CNNM2: variants seen among roughly 807,000 people sequenced by gnomAD.
CNNM2 encodes the protein metal transporter CNNM2.
Under a neutral mutation model 66.9 loss-of-function variants are expected in CNNM2, and 12 were observed. The observed-to-expected ratio is 0.18, with a 90% confidence interval of 0.11 to 0.29. CNNM2 has a LOEUF of 0.29. Among genes scored for constraint, CNNM2 ranks in the 10% least tolerant of loss-of-function variants. The pLI is 1.00. For missense variants in CNNM2, 705 were observed against 1,167.7 expected, an observed-to-expected ratio of 0.60 and a Z score of 5.77; for synonymous variants, 557 against 501.8, an observed-to-expected ratio of 1.11 and a Z score of -1.47.
chr10:103,058,978 T>A (rs906105774), intron 4 of CNNM2, among the ~76,000 whole-genome samples: 15 of 152,202 alleles, frequency 9.9e-5, no homozygotes, highest in African/African-American at 2.7e-4. Context: ...TTTGTTTTGT[T>A]TTTTGTTTGT....
chr10:103,006,091 T>C (rs1002372404), intron 1 of CNNM2, among the ~76,000 whole-genome samples: 1 of 152,232 alleles, frequency 6.6e-6, no homozygotes, highest in South Asian at 2.1e-4. Flanking sequence ...ATGTACTGTT[T>C]GGGACCTGCA....
At chr10:103,071,899 G>C (rs1036484544) in intron 6 of CNNM2, 60 bp downstream of exon 6, 2 of 1,482,374 alleles carry the variant, frequency 1.3e-6, no homozygotes, top group Non-Finnish European at 1.9e-6. Flanking sequence ...CCCCCATCAC[G>C]CCTGGCTGGC....
chr10:102,996,287 A>G (rs952828360), intron 1 of CNNM2, among the ~76,000 whole-genome samples: 1 of 150,250 alleles, frequency 6.7e-6, no homozygotes, highest in African/African-American at 2.5e-5. Flanking sequence ...CAGTGCCTCT[A>G]CCTTTTTATT....
chr10:102,981,781 C>T (rs1377518900), intron 1 of CNNM2, among the ~76,000 whole-genome samples: 1 of 151,428 alleles, frequency 6.6e-6, no homozygotes, highest in Non-Finnish European at 1.5e-5. Context: ...CTCAGTTGCA[C>T]ATAATAGTAA....
chr10:103,058,887 C>G (rs923743027), intron 4 of CNNM2, among the ~76,000 whole-genome samples: 2 of 152,214 alleles, frequency 1.3e-5, no homozygotes, highest in Non-Finnish European at 2.9e-5. Flanking sequence ...CATATTCTAC[C>G]TAATATGTCA....
At chr10:103,053,787 G>A (rs1312899606) in intron 2 of CNNM2, among the ~76,000 whole-genome samples, 2 of 152,154 alleles carry the variant, frequency 1.3e-5, no homozygotes, top group Admixed American at 6.5e-5. Context: ...TAGCAGTGAA[G>A]CAAACATATT....
chr10:102,954,237 C>T (rs1362920858), intron 1 of CNNM2, among the ~76,000 whole-genome samples: 3 of 150,994 alleles, frequency 2.0e-5, no homozygotes, highest in East Asian at 2.0e-4. Context: ...AAGCAATCCT[C>T]CTGCCTCAGC....
At chr10:102,926,982 G>T (rs932573794) in intron 1 of CNNM2, among the ~76,000 whole-genome samples, 1 of 151,802 alleles carries the variant, frequency 6.6e-6, no homozygotes, top group Non-Finnish European at 1.5e-5. Flanking sequence ...GCCTCCTGAA[G>T]TGCTGGGATT....
rs554477700 is a variant in CNNM2, at chr10:103,083,140, G to A, written c.*5960G>A. The A allele has an allele frequency of 1.3e-5, 2 of 152,218 alleles. No individual in the cohort carries two copies. The highest frequency in any genetic ancestry group is 2.1e-4 in the South Asian group (1 of 4,822). 9.4% of individuals were successfully genotyped at this position (152,218 alleles called of 1,614,324 possible). ...TTATTCACTGTATCATAGTGTACAG[G>A]TCATGCATTTGAGCAGTGAAGTTTT... On this transcript the variant is annotated 3_prime_UTR_variant, in exon 8 of 8. Transcript: ENST00000369878.
In CNNM2 at chr10:103,009,674, C is replaced by CAAAA. The variant is rs36096913; in HGVS notation, c.1622-40012_1622-40009dup. On this transcript the variant is annotated intron_variant, in intron 1 of 7. Transcript: ENST00000369878. Reference sequence around the variant, plus strand: ...ACCACTACATTCTAGCCTGAGTCTCCAAAAAAAAAAAAAAAAAAAAAAAAG... The same window carrying CAAAA: ...ACCACTACATTCTAGCCTGAGTCTCCAAAAAAAAAAAAAAAAAAAAAAAAAAAAG... Among the ~76,000 whole-genome samples the CAAAA allele has an allele frequency of 9.5e-3, 557 of 58,468 alleles. 7 individuals carry two copies. The highest frequency in any genetic ancestry group is 0.026 in the East Asian group (52 of 2,010). 38.4% of individuals were successfully genotyped at this position (58,468 alleles called of 152,430 possible).
chr10:102,952,665 G>C (rs997717686), intron 1 of CNNM2, among the ~76,000 whole-genome samples: 3 of 150,998 alleles, frequency 2.0e-5, no homozygotes, highest in Non-Finnish European at 4.4e-5. Context: ...TTTCACATAA[G>C]TCTGTTTAAA....
Position 103,020,028 on chromosome 10 carries a change from C to T in CNNM2, c.1622-29679C>T, listed in dbSNP as rs571941270. On this transcript the variant is annotated intron_variant, in intron 1 of 7. Transcript: ENST00000369878. ...TTCTCTACAACGAACATGTGTTACT[C>T]GTGTGGTTTTTTTCTTAAGTTATTA... Among the ~76,000 whole-genome samples, 316 of 152,210 alleles carry T rather than the reference C, an allele frequency of 2.1e-3. 1 individual carries two copies. The highest frequency in any genetic ancestry group is 5.4e-3 in the African/African-American group (225 of 41,524).
intron 1 of CNNM2, among the ~76,000 whole-genome samples, chr10:102,939,813 A>C (rs965796718): frequency 6.6e-6 from 1 of 152,140 alleles, no homozygotes; most frequent in Non-Finnish European, 1.5e-5. Context: ...TCTACTAAAA[A>C]TACAAAAATC....
At chr10:103,003,426 C>T (rs1381157009) in intron 1 of CNNM2, among the ~76,000 whole-genome samples, 3 of 152,120 alleles carry the variant, frequency 2.0e-5, no homozygotes, top group African/African-American at 7.2e-5. Context: ...CCTTCTAGTA[C>T]TTTTTTAAGT....
Position 102,952,961 on chromosome 10 carries a change from G to T in CNNM2, c.1621+32860G>T, listed in dbSNP as rs138115477. 6.0e-4 allele frequency among the ~76,000 whole-genome samples: 91 copies of T among 152,308 alleles called. 1 individual carries two copies. The highest frequency in any genetic ancestry group is 2.2e-3 in the African/African-American group (90 of 41,562). ...TGTGAAGTCAGTTGGTATATTTATTGCAGGGAAACTTGGAATTATTTCCTA... is the reference window on the plus strand; with the variant it reads ...TGTGAAGTCAGTTGGTATATTTATTTCAGGGAAACTTGGAATTATTTCCTA... On this transcript the variant is annotated intron_variant, in intron 1 of 7. Coordinates refer to ENST00000369878, the MANE Select transcript of CNNM2 (RefSeq NM_017649.5).
chr10:103,025,888 C>T (rs755255750), intron 1 of CNNM2, among the ~76,000 whole-genome samples: 1 of 152,214 alleles, frequency 6.6e-6, no homozygotes, highest in South Asian at 2.1e-4. Flanking sequence ...ATGTGTCTCA[C>T]AAAGTTCATG....
At chr10:103,011,356 G>A (rs1188377653) in intron 1 of CNNM2, among the ~76,000 whole-genome samples, 4 of 152,152 alleles carry the variant, frequency 2.6e-5, no homozygotes, top group African/African-American at 9.7e-5. Flanking sequence ...AGGAGGCTGA[G>A]GCAGGAGAAT....
chr10:103,007,580 A>G (rs1245897814), intron 1 of CNNM2, among the ~76,000 whole-genome samples: 1 of 152,168 alleles, frequency 6.6e-6, no homozygotes, highest in Non-Finnish European at 1.5e-5. Context: ...CTAGGAAAAT[A>G]ATTCGCGATA....
In CNNM2 at chr10:103,086,051, G is replaced by A. The variant is rs1316416400; in HGVS notation, c.*8871G>A. ...CGGGAGGTGCGTGACGGGGCAGCGG[G>A]GGTTTCTGGAAGTCACCTGTTTCTG... On this transcript the variant is annotated 3_prime_UTR_variant, in exon 8 of 8. Transcript: ENST00000369878. 2 of 152,448 alleles carry A rather than the reference G, an allele frequency of 1.3e-5. No individual in the cohort carries two copies. Among genetic ancestry groups the A allele is most frequent in the East Asian group, 3.8e-4 (2 of 5,214 alleles). 9.4% of individuals were successfully genotyped at this position (152,448 alleles called of 1,614,324 possible). A position where few individuals can be genotyped will look rare whatever the true frequency, so the allele number is the denominator to read the frequency against.
Sources: gnomAD v4.1 joint callset for allele counts (sites outside exome capture counted in the v4.1 genomes callset) on GRCh38, gnomAD v4.1.1 for gene constraint, MANE v1.5 for transcripts, NCBI Gene and HGNC (gene_info 2026-07-23, HGNC 2026-07-21) for gene names.